The following GALNT9 variants were observed in gnomAD, a reference collection of about 807,000 sequenced individuals.
The protein encoded by GALNT9 is GalNAc transferase 9.
A neutral mutation model predicts 63.1 loss-of-function variants in GALNT9; 47 were observed. The observed-to-expected ratio is 0.75, with a 90% CI of 0.59 to 0.95. The LOEUF is 0.95. GALNT9 is among the 40% of genes least tolerant of loss of function. GALNT9 has a pLI of 0.00. For missense variants in GALNT9, 829 were observed against 874.8 expected (o/e 0.95, Z 0.66); for synonymous variants, 396 against 365.7 (o/e 1.08, Z -0.94).
chr12:132,200,563 G>C (rs7966851), intron 8 of GALNT9: 118,135 of 152,724 alleles, frequency 0.77, 45,839 homozygotes, highest in Non-Finnish European at 0.79. Flanking sequence ...ACAGGCAGGC[G>C]CCTTTGGGGT....
chr12:132,266,295 C>T (rs1241930361), intron 2 of GALNT9, among the ~76,000 whole-genome samples: 16 of 152,270 alleles, frequency 1.1e-4, no homozygotes, highest in African/African-American at 3.9e-4. Context: ...GGGGCTGCTT[C>T]TCCCTCCGAG....
At chr12:132,305,078 T>C (rs372986346) in intron 1 of GALNT9, among the ~76,000 whole-genome samples, 79 of 23,882 alleles carry the variant, frequency 3.3e-3, no homozygotes, top group East Asian at 7.1e-3. Context: ...CACCCTCACC[T>C]GGGCACACCC....
At chr12:132,202,799 T>C (rs945548481) in intron 7 of GALNT9, among the ~76,000 whole-genome samples, 18 of 152,136 alleles carry the variant, frequency 1.2e-4, no homozygotes, top group African/African-American at 4.3e-4. Context: ...CCCGTCTCAG[T>C]ACCTGCCTTT....
intron 1 of GALNT9, among the ~76,000 whole-genome samples, chr12:132,321,977 G>A (rs1238028280): frequency 3.2e-4 from 10 of 31,232 alleles, no homozygotes; most frequent in African/African-American, 9.2e-4. Context: ...CCCCCGCCTC[G>A]GCCCCCAAGG....
At chr12:132,241,173 T>A (rs1408066099) in intron 6 of GALNT9, among the ~76,000 whole-genome samples, 3 of 121,690 alleles carry the variant, frequency 2.5e-5, no homozygotes, top group Non-Finnish European at 5.2e-5. Context: ...CCACACCCCC[T>A]TCCCAGGGCC....
At chr12:132,270,682 A>G (rs1380630144) in intron 2 of GALNT9, among the ~76,000 whole-genome samples, 12 of 150,056 alleles carry the variant, frequency 8.0e-5, no homozygotes, top group Middle Eastern at 3.4e-3. Flanking sequence ...CCACACAGCC[A>G]CAGCCATGGC....
At chr12:132,239,199 CAG>C (rs2136896555) in intron 6 of GALNT9, among the ~76,000 whole-genome samples, 4 of 148,914 alleles carry the variant, frequency 2.7e-5, no homozygotes, top group Non-Finnish European at 4.4e-5. Flanking sequence ...GGGGGACAGG[CAG>C]AGAGAGAGAC....
rs781952469 is a variant in GALNT9 at position 132,296,603 on chromosome 12, A to G, written c.239-10173T>C. Among the ~76,000 whole-genome samples, 1 of 152,226 alleles carries G rather than the reference A, an allele frequency of 6.6e-6. No homozygotes were observed. The highest frequency in any genetic ancestry group is 1.5e-5 in the Non-Finnish European group (1 of 68,046). ...AAGGTCTGTCCCACAACTTTCATGA[A>G]AAACAAACCAAGCTCAATATCCTGC... On this transcript the variant is annotated intron_variant, in intron 1 of 10. Transcript: ENST00000328957. The surrounding 1 kb of genome is among the most constrained non-coding windows in gnomAD (Gnocchi z 4.2).
At chr12:132,303,442 C>G (rs1177167963) in intron 1 of GALNT9, among the ~76,000 whole-genome samples, 4 of 144,852 alleles carry the variant, frequency 2.8e-5, no homozygotes, top group African/African-American at 1.0e-4. Context: ...GGCACACCCT[C>G]GCCCGGGCAC....
chr12:132,320,299 G>A (rs559251056), intron 1 of GALNT9, among the ~76,000 whole-genome samples: 5 of 152,324 alleles, frequency 3.3e-5, no homozygotes, highest in South Asian at 2.1e-4. Flanking sequence ...CTCACTTCCC[G>A]GGTTCCGATT....
Position 132,196,474 on chromosome 12 carries a change from C to A in GALNT9, c.*633G>T, listed in dbSNP as rs377000630. On this transcript the variant is annotated 3_prime_UTR_variant, in exon 11 of 11. Coordinates refer to ENST00000328957, the MANE Select transcript of GALNT9 (RefSeq NM_001122636.2). ...AAAGAGGTGGGACCGGGCCCCAACC[C>A]CCAGCTCGGCTCCCAGGAAGACACA... 119 of 985,590 alleles carry A rather than the reference C, an allele frequency of 1.2e-4. 1 individual carries two copies. Among genetic ancestry groups the A allele is most frequent in the African/African-American group, 7.3e-4 (42 of 57,376 alleles). 61.1% of individuals were successfully genotyped at this position (985,590 alleles called of 1,614,324 possible).
chr12:132,248,049 G>A (rs782028637), intron 5 of GALNT9, 22 bp from the exon 6 acceptor site: 37 of 1,541,092 alleles, frequency 2.4e-5, no homozygotes, highest in Non-Finnish European at 3.0e-5. Context: ...AGACAGCGGC[G>A]TGAGGACCTC....
At chr12:132,254,508 A>T (rs1555238873) in intron 5 of GALNT9, among the ~76,000 whole-genome samples, 1 of 151,904 alleles carries the variant, frequency 6.6e-6, no homozygotes, top group East Asian at 1.9e-4. Context: ...TCTGACTCTG[A>T]TCCTCTATGC....
At chr12:132,225,635 C>T (rs1565992586) in intron 6 of GALNT9, among the ~76,000 whole-genome samples, 1 of 146,354 alleles carries the variant, frequency 6.8e-6, no homozygotes, top group African/African-American at 2.5e-5. Context: ...CAACCCACAC[C>T]CCACACACTG....
Position 132,196,539 on chromosome 12 carries a change from G to A in GALNT9, c.*568C>T. 1.0e-6 allele frequency: 1 copy of A among 986,380 alleles called. No homozygotes were observed. Among genetic ancestry groups the A allele is most frequent in the Non-Finnish European group, 1.2e-6 (1 of 830,618 alleles). The allele number at this position is 986,380 out of a possible 1,614,324, so 61.1% of individuals were successfully genotyped here. On this transcript the variant is annotated 3_prime_UTR_variant, in exon 11 of 11. Coordinates refer to ENST00000328957, the MANE Select transcript of GALNT9 (RefSeq NM_001122636.2). ...CTAATCCTCTCTTTATTTGGTCTCTGCTGAAGCAGTCGTGCCAGCCTCCTA... is the reference window on the plus strand; with the variant it reads ...CTAATCCTCTCTTTATTTGGTCTCTACTGAAGCAGTCGTGCCAGCCTCCTA...
At chr12:132,276,903 C>T (rs1270939914) in intron 2 of GALNT9, among the ~76,000 whole-genome samples, 1 of 152,032 alleles carries the variant, frequency 6.6e-6, no homozygotes, top group Admixed American at 6.5e-5. Flanking sequence ...AACACACACA[C>T]ACATGCACAC....
At chr12:132,322,383 C>T (rs761182165) in intron 1 of GALNT9, among the ~76,000 whole-genome samples, 8 of 152,242 alleles carry the variant, frequency 5.3e-5, no homozygotes, top group African/African-American at 9.6e-5. Flanking sequence ...CTCACGAATT[C>T]GCCAGGAAGG....
rs1018885404 is a variant in GALNT9, at chr12:132,200,291, C to G, written c.1401+833G>C. On this transcript the variant is annotated intron_variant, in intron 8 of 10. Transcript: ENST00000328957. The stretch of plus-strand genomic sequence containing the variant: ...GGTGGGAGGCACCCCATCCCCTGCA[C>G]AGACTGGGGAGAGGGCAGAAGAGCA... 5.9e-5 allele frequency: 9 copies of G among 152,312 alleles called. No individual in the cohort carries two copies. In the East Asian group the frequency reaches 1.2e-3, roughly 20 times the overall value. The allele number at this position is 152,312 out of a possible 1,614,324, so 9.4% of individuals were successfully genotyped here.
At chr12:132,222,972 C>T (rs1301704530) in intron 6 of GALNT9, among the ~76,000 whole-genome samples, 4 of 146,028 alleles carry the variant, frequency 2.7e-5, no homozygotes, top group Admixed American at 6.8e-5. Flanking sequence ...ACACAACCCG[C>T]ACCCCACACA....
Sources: gnomAD v4.1 joint callset for allele counts (sites outside exome capture counted in the v4.1 genomes callset) on GRCh38, gnomAD v4.1.1 for gene constraint, Gnocchi (gnomAD v3.1) non-coding constraint, MANE v1.5 for transcripts, NCBI Gene and HGNC (gene_info 2026-07-23, HGNC 2026-07-21) for gene names.